The following OLFM2 variants were observed in gnomAD, a reference collection of about 807,000 sequenced individuals.
OLFM2 encodes noelin-2.
In OLFM2, 20 loss-of-function variants were observed where a neutral mutation model predicts 43.9. The ratio of observed to expected loss-of-function variants is 0.46; its 90% CI spans 0.32 to 0.66. The LOEUF (loss-of-function observed/expected upper bound fraction) is 0.66. Ranked by LOEUF, OLFM2 falls within the 30% of genes least tolerant of loss-of-function variation. The pLI, the probability that OLFM2 is intolerant of heterozygous loss-of-function variation, is 0.04. For synonymous variants in OLFM2, 268 were observed against 278.6 expected (o/e 0.96, Z 0.38); for missense variants, 416 against 643.6 (o/e 0.65, Z 3.83).
At chr19:9,929,937 GT>G (rs2145011161) in intron 1 of OLFM2, among the ~76,000 whole-genome samples, 1 of 152,254 alleles carries the variant, frequency 6.6e-6, no homozygotes, top group Non-Finnish European at 1.5e-5. Context: ...TACTCGGGAG[GT>G]TGAGGCAGGA....
chr19:9,910,095 A>G (rs2046816305), intron 1 of OLFM2, among the ~76,000 whole-genome samples: 1 of 152,268 alleles, frequency 6.6e-6, no homozygotes, highest in Admixed American at 6.5e-5. Context: ...CCAGCTTCTT[A>G]GGAGGCTAAG....
chr19:9,902,382 CTTTT>C (rs376869987), intron 1 of OLFM2, among the ~76,000 whole-genome samples: 1 of 122,660 alleles, frequency 8.2e-6, no homozygotes, highest in Non-Finnish European at 1.7e-5. Flanking sequence ...TTGCCTTCAT[CTTTT>C]TTTTTTTTTT....
At chr19:9,904,152 T>TTGTGTGTGTGTG (rs56281493) in intron 1 of OLFM2, among the ~76,000 whole-genome samples, 60 of 127,268 alleles carry the variant, frequency 4.7e-4, no homozygotes, top group South Asian at 8.6e-4. Context: ...TGAGTATTGT[T>TTGTGTGTGTGTG]TGTGTGTGTG....
intron 1 of OLFM2, among the ~76,000 whole-genome samples, chr19:9,882,500 T>TG (rs1456730710): frequency 6.6e-6 from 1 of 151,648 alleles, no homozygotes; most frequent in Non-Finnish European, 1.5e-5. Flanking sequence ...ACCGCACCAC[T>TG]GCACTCCAGC....
chr19:9,870,918 G>C (rs963012584), intron 1 of OLFM2, among the ~76,000 whole-genome samples: 1 of 152,084 alleles, frequency 6.6e-6, no homozygotes. Context: ...CATGTCTGTG[G>C]TTTACAGTGG....
chr19:9,899,909 T>A (rs1470510986), intron 1 of OLFM2, among the ~76,000 whole-genome samples: 1 of 151,658 alleles, frequency 6.6e-6, no homozygotes, highest in Non-Finnish European at 1.5e-5. Flanking sequence ...GGCCAGATGA[T>A]AATTTCTTGT....
At chr19:9,883,264 CA>C (rs1189901636) in intron 1 of OLFM2, among the ~76,000 whole-genome samples, 1 of 150,784 alleles carries the variant, frequency 6.6e-6, no homozygotes, top group Non-Finnish European at 1.5e-5. Flanking sequence ...CTGGCCAGGG[CA>C]AAACACAGGC....
At chr19:9,860,576 G>C in intron 2 of OLFM2, 69 bp downstream of exon 2, 1 of 1,525,376 alleles carries the variant, frequency 6.6e-7, no homozygotes, top group Admixed American at 2.0e-5. Context: ...GACCTGGATG[G>C]GGCTGGAGGG....
In OLFM2 at chr19:9,886,759, A is replaced by G. The variant is rs373165399; in HGVS notation, c.64-25965T>C. Among the ~76,000 whole-genome samples the G allele has an allele frequency of 2.6e-5, 4 of 151,554 alleles. No individual in the cohort carries two copies. In the East Asian group the frequency reaches 5.8e-4, roughly 22 times the overall value. On this transcript the variant is annotated intron_variant, in intron 1 of 5. Coordinates refer to ENST00000264833, the MANE Select transcript of OLFM2 (RefSeq NM_058164.4). ...CTTTCTTTTTTTTAAATCTCAGCTCACTGCAACCTCTGCCTCCTGGGTCCA... is the reference window on the plus strand; with the variant it reads ...CTTTCTTTTTTTTAAATCTCAGCTCGCTGCAACCTCTGCCTCCTGGGTCCA...
chr19:9,872,410 A>T (rs1381153512), intron 1 of OLFM2, among the ~76,000 whole-genome samples: 2 of 152,072 alleles, frequency 1.3e-5, no homozygotes, highest in South Asian at 4.1e-4. Context: ...AGCTACTCAG[A>T]AGGCTGAGGT....
At chr19:9,866,596 C>T (rs1455988341) in intron 1 of OLFM2, among the ~76,000 whole-genome samples, 1 of 149,490 alleles carries the variant, frequency 6.7e-6, no homozygotes, top group African/African-American at 2.5e-5. Flanking sequence ...ACTTCCCTGA[C>T]TCAAGCAATC....
At chr19:9,910,061 CCT>C (rs994891492) in intron 1 of OLFM2, among the ~76,000 whole-genome samples, 4 of 151,990 alleles carry the variant, frequency 2.6e-5, no homozygotes, top group African/African-American at 4.8e-5. Context: ...CTAAATTCCC[CCT>C]GACTAATAAG....
intron 1 of OLFM2, among the ~76,000 whole-genome samples, chr19:9,869,353 G>A (rs1324192522): frequency 6.6e-6 from 1 of 152,204 alleles, no homozygotes; most frequent in Non-Finnish European, 1.5e-5. Context: ...TGGGATGGTA[G>A]AGTAGGGCCA....
chr19:9,907,821 T>C (rs1319031619), intron 1 of OLFM2, among the ~76,000 whole-genome samples: 3 of 151,926 alleles, frequency 2.0e-5, no homozygotes, highest in Non-Finnish European at 4.4e-5. Context: ...CTGGCCAACA[T>C]AGCAAAACCC....
chr19:9,879,475 T>C (rs990993714), intron 1 of OLFM2, among the ~76,000 whole-genome samples: 1 of 152,000 alleles, frequency 6.6e-6, no homozygotes, highest in Non-Finnish European at 1.5e-5. Context: ...CCCCAGTCTC[T>C]CTCTTGCTCC....
chr19:9,916,343 G>A (rs1208435189), intron 1 of OLFM2, among the ~76,000 whole-genome samples: 3 of 152,088 alleles, frequency 2.0e-5, no homozygotes, highest in Admixed American at 1.3e-4. Context: ...GGCGACAGAC[G>A]AGTGAGACCC....
chr19:9,874,474 G>A (rs763342441), intron 1 of OLFM2, among the ~76,000 whole-genome samples: 1 of 151,182 alleles, frequency 6.6e-6, no homozygotes, highest in African/African-American at 2.4e-5. Context: ...GCCACCACCG[G>A]CTTTTATTTT....
chr19:9,916,394 C>A (rs1386026816), intron 1 of OLFM2, among the ~76,000 whole-genome samples: 1 of 152,158 alleles, frequency 6.6e-6, no homozygotes, highest in African/African-American at 2.4e-5. Flanking sequence ...CCAGCTTGTT[C>A]TAAAGCTTTC....
intron 1 of OLFM2, among the ~76,000 whole-genome samples, chr19:9,867,537 G>C (rs2046412050): frequency 6.6e-6 from 1 of 152,174 alleles, no homozygotes; most frequent in African/African-American, 2.4e-5. Context: ...CTATTATTGT[G>C]TTTGAGGCTG....
Sources: gnomAD v4.1 joint callset for allele counts (sites outside exome capture counted in the v4.1 genomes callset) on GRCh38, gnomAD v4.1.1 for gene constraint, MANE v1.5 for transcripts, NCBI Gene and HGNC (gene_info 2026-07-23, HGNC 2026-07-21) for gene names.